DNAH6: variants seen among roughly 807,000 people sequenced by gnomAD.
DNAH6 encodes the protein dynein axonemal heavy chain 6.
A neutral mutation model predicts 491.4 loss-of-function variants in DNAH6; 340 were observed. The ratio of observed to expected loss-of-function variants is 0.69; its 90% CI spans 0.63 to 0.76. The LOEUF (loss-of-function observed/expected upper bound fraction) is 0.76. Among genes scored for constraint, DNAH6 ranks in the 30% least tolerant of loss-of-function variants. The pLI, the probability that DNAH6 is intolerant of heterozygous loss-of-function variation, is 0.00. For missense variants in DNAH6, 4,443 were observed against 4,972.2 expected, an observed-to-expected ratio of 0.89 and a Z score of 3.20; for synonymous variants, 1,603 against 1,686.1, an observed-to-expected ratio of 0.95 and a Z score of 1.21.
chr2:84,624,981 A>G lies in DNAH6; in HGVS notation c.4433A>G (p.Lys1478Arg). 6.4e-7 allele frequency: 1 copy of G among 1,551,660 alleles called. No individual in the cohort carries two copies. The highest frequency in any genetic ancestry group is 8.7e-7 in the Non-Finnish European group (1 of 1,146,936). ...CCAGCTGGTCCTGCTGGCACTGGGAAAACAGAGACTACCAAAGATCTGGCA... is the reference window on the plus strand; with the variant it reads ...CCAGCTGGTCCTGCTGGCACTGGGAGAACAGAGACTACCAAAGATCTGGCA... ...GAPAGPAGTGKTETTKDLAKA... is the reference protein window; with the variant it reads ...GAPAGPAGTGRTETTKDLAKA... Residue 1478 changes from lysine to arginine, a missense_variant, in exon 29 of 77, where the codon AAA becomes AGA. Lys to Arg is a conservative substitution (Grantham distance 26). Around this residue, in one of 3 missense-constraint regions of DNAH6, gnomAD observed 2,977 missense variants for 3,296.6 expected, o/e 0.90. Transcript: ENST00000389394.
At chr2:84,575,293 G>C (rs889542777) in intron 12 of DNAH6, among the ~76,000 whole-genome samples, 1 of 152,058 alleles carries the variant, frequency 6.6e-6, no homozygotes, top group Non-Finnish European at 1.5e-5. Context: ...CTCAGAGAAC[G>C]ACCAGCAGAT....
rs980391386 is a variant in DNAH6, at chr2:84,653,213, G to A, written c.5079-106G>A. On this transcript the variant is annotated intron_variant, in intron 33 of 76. Transcript: ENST00000389394. ...AATACTGTACATGTCAGAAGAGAAAGATCAATGAGAAACAATAAGACTCAT... is the reference window on the plus strand; with the variant it reads ...AATACTGTACATGTCAGAAGAGAAAAATCAATGAGAAACAATAAGACTCAT... 5.2e-6 allele frequency: 5 copies of A among 969,248 alleles called. No individual in the cohort carries two copies. The Admixed American group carries it at 8.7e-5, about 17-fold the overall frequency. The allele number at this position is 969,248 out of a possible 1,614,324, so 60.0% of individuals were successfully genotyped here.
At position 84,669,330 on chromosome 2, in the gene DNAH6, T is replaced by C; in HGVS notation, c.6126T>C (p.Phe2042=). ...ATCTGTGGAGCATTCATATGGACTTTGACACCAAACGGCTGGATCCCTGGG... is the reference window on the plus strand; with the variant it reads ...ATCTGTGGAGCATTCATATGGACTTCGACACCAAACGGCTGGATCCCTGGG... ...SGDLWSIHMD[F]DTKRLDPWER... The change falls in exon 38 of 77, where the codon TTT becomes TTC. Residue 2042 remains phenylalanine (F), a synonymous_variant. Coordinates refer to ENST00000389394, the MANE Select transcript of DNAH6 (RefSeq NM_001370.2). The C allele has an allele frequency of 6.4e-7, 1 of 1,551,742 alleles. No individual in the cohort carries two copies. The highest frequency in any genetic ancestry group is 2.4e-5 in the East Asian group (1 of 40,916).
At chr2:84,634,464 C>T (rs1480914745) in intron 29 of DNAH6, 40 bp from the exon 30 acceptor site, 1 of 1,457,338 alleles carries the variant, frequency 6.9e-7, no homozygotes. Context: ...AGGAGCTGAA[C>T]TACACAATAC....
intron 4 of DNAH6, among the ~76,000 whole-genome samples, chr2:84,534,843 A>C (rs1157947836): frequency 6.6e-6 from 1 of 152,022 alleles, no homozygotes; most frequent in African/African-American, 2.4e-5. Flanking sequence ...AATGTTTAAA[A>C]TGGTTCTCAT....
chr2:84,611,114 C>T (rs1486809662), intron 21 of DNAH6, among the ~76,000 whole-genome samples: 4 of 144,868 alleles, frequency 2.8e-5, no homozygotes, highest in African/African-American at 1.1e-4. Flanking sequence ...TAATTTCTGA[C>T]CGTGTATTTC....
At chr2:84,556,287 G>A (rs1270049737) in intron 10 of DNAH6, among the ~76,000 whole-genome samples, 1 of 152,162 alleles carries the variant, frequency 6.6e-6, no homozygotes, top group Non-Finnish European at 1.5e-5. Context: ...CACAGTTTGG[G>A]TATTGCTGGC....
At chr2:84,565,809 C>G (rs1681139607) in intron 11 of DNAH6, among the ~76,000 whole-genome samples, 1 of 151,792 alleles carries the variant, frequency 6.6e-6, no homozygotes, top group South Asian at 2.1e-4. Context: ...TTAGAATAGC[C>G]AAGTCTTGTT....
At chr2:84,493,492 G>C in the DNAH6 span, among the ~76,000 whole-genome samples, 1 of 152,010 alleles carries the variant, frequency 6.6e-6, no homozygotes, top group Non-Finnish European at 1.5e-5. Flanking sequence ...TTGTGCCTCT[G>C]ATCACATATT....
chr2:84,592,302 C>A (rs967511285), intron 16 of DNAH6, among the ~76,000 whole-genome samples: 2 of 151,924 alleles, frequency 1.3e-5, no homozygotes, highest in Non-Finnish European at 2.9e-5. Flanking sequence ...ATGAACATTT[C>A]TCTAAAGAAG....
intron 29 of DNAH6, among the ~76,000 whole-genome samples, chr2:84,632,076 T>C (rs1191363336): frequency 2.0e-5 from 3 of 152,244 alleles, no homozygotes; most frequent in African/African-American, 7.2e-5. Context: ...ATTGACCCTG[T>C]CCTTCACTTT....
In DNAH6 at chr2:84,642,041, G is replaced by A; in HGVS notation, c.5065G>A (p.Ala1689Thr). The A allele has an allele frequency of 6.5e-7, 1 of 1,548,112 alleles. No homozygotes were observed. The highest frequency in any genetic ancestry group is 8.7e-7 in the Non-Finnish European group (1 of 1,144,062). ...SNLPKFLTDD[A>T]LLFSGIISDL... is the part of the protein sequence containing the mutation. The stretch of plus-strand genomic sequence containing the variant: ...TTTGCCAAAATTTCTAACAGATGAT[G>A]CTCTTCTGTTCAGGTAAGTTTGTAG... The change falls in exon 33 of 77, where the codon GCT becomes ACT. Residue 1689 changes from alanine to threonine, a missense_variant. By Grantham distance (58) the Ala-to-Thr change is moderately conservative. Around this residue, in one of 3 missense-constraint regions of DNAH6, gnomAD observed 2,977 missense variants for 3,296.6 expected, o/e 0.90. Transcript: ENST00000389394.
At chr2:84,467,282 CT>C in the DNAH6 span, among the ~76,000 whole-genome samples, 7 of 152,110 alleles carry the variant, frequency 4.6e-5, no homozygotes, top group Non-Finnish European at 8.8e-5. Context: ...TTCTTACAAT[CT>C]TTTTTTTACC....
In DNAH6 at chr2:84,733,473, G is replaced by A; in HGVS notation, c.10236G>A (p.Trp3412Ter). The A allele has an allele frequency of 6.4e-7, 1 of 1,551,124 alleles. No individual in the cohort carries two copies. The highest frequency in any genetic ancestry group is 8.7e-7 in the Non-Finnish European group (1 of 1,146,606). Residue 3412 changes from tryptophan (W) to a stop codon, truncating the protein, a stop_gained, in exon 62 of 77, where the codon TGG (tryptophan) becomes TGA (stop). Coordinates refer to ENST00000389394, the MANE Select transcript of DNAH6 (RefSeq NM_001370.2). LOFTEE classifies it high-confidence loss of function. ...GCCCACCTAAGCCTGAAGCTCCCTG[G>A]CTACCTACTGCTACATGGTTCGCAT... ...KERPPKPEAP[W>*]LPTATWFACC...
chr2:84,483,272 G>T, the DNAH6 span, among the ~76,000 whole-genome samples: 1 of 151,918 alleles, frequency 6.6e-6, no homozygotes, highest in Admixed American at 6.6e-5. Flanking sequence ...CCAATAATTT[G>T]TATTTTTAAA....
chr2:84,478,373 C>CT, the DNAH6 span, among the ~76,000 whole-genome samples: 8 of 152,274 alleles, frequency 5.3e-5, no homozygotes, highest in Non-Finnish European at 1.2e-4. Flanking sequence ...AGTGGCACTG[C>CT]TTGTTGGGAG....
chr2:84,679,497 A>G (rs1693567359), intron 41 of DNAH6, among the ~76,000 whole-genome samples: 1 of 152,260 alleles, frequency 6.6e-6, no homozygotes, highest in Non-Finnish European at 1.5e-5. Context: ...TTAGAAAGCT[A>G]TAACGCAGTA....
At chr2:84,690,558 C>T (rs1231072839) in intron 45 of DNAH6, among the ~76,000 whole-genome samples, 3 of 152,194 alleles carry the variant, frequency 2.0e-5, no homozygotes, top group Non-Finnish European at 4.4e-5. Context: ...TATTTATAAT[C>T]TTTCTTACTT....
intron 40 of DNAH6, among the ~76,000 whole-genome samples, chr2:84,673,504 C>T (rs937336170): frequency 6.6e-6 from 1 of 152,158 alleles, no homozygotes; most frequent in African/African-American, 2.4e-5. Context: ...GTGTGTTAGT[C>T]AGGGTTCTCT....
Sources: gnomAD v4.1 joint callset for allele counts (sites outside exome capture counted in the v4.1 genomes callset) on GRCh38, gnomAD v4.1.1 for gene constraint, gnomAD v4.1.1 regional missense constraint, MANE v1.5 for transcripts, NCBI Gene and HGNC (gene_info 2026-07-23, HGNC 2026-07-21) for gene names.